Variants in TMEM131L observed in about 807,000 individuals in gnomAD.
The protein encoded by TMEM131L is transmembrane 131 like.
Under a neutral mutation model 192.2 loss-of-function variants are expected in TMEM131L, and 54 were observed. That is an observed-to-expected ratio of 0.28 (90% CI 0.23 to 0.35). The LOEUF (loss-of-function observed/expected upper bound fraction) is 0.35, where lower values mean the gene tolerates loss of function less well. Among genes scored for constraint, TMEM131L ranks in the 10% least tolerant of loss-of-function variants. TMEM131L has a pLI of 1.00. For missense variants in TMEM131L, 1,888 were observed against 1,972.9 expected (o/e 0.96, Z 0.82); for synonymous variants, 701 against 704.9 (o/e 0.99, Z 0.09).
At chr4:153,596,473 C>A in intron 20 of TMEM131L, 88 bp downstream of exon 20, 1 of 1,483,840 alleles carries the variant, frequency 6.7e-7, no homozygotes, top group Non-Finnish European at 9.3e-7. Flanking sequence ...GTTCACTTCT[C>A]AGTCAGACCT....
At chr4:153,585,059 G>A in intron 12 of TMEM131L, 128 bp downstream of exon 12, 1 of 717,122 alleles carries the variant, frequency 1.4e-6, no homozygotes. Flanking sequence ...GCCTCCCCTT[G>A]CCTTAGCATT....
At chr4:153,527,631 T>C (rs1447820160) in intron 3 of TMEM131L, among the ~76,000 whole-genome samples, 3 of 152,234 alleles carry the variant, frequency 2.0e-5, no homozygotes, top group Non-Finnish European at 2.9e-5. Context: ...GGCAAGTGTA[T>C]GTGACCCCAC....
intron 29 of TMEM131L, among the ~76,000 whole-genome samples, chr4:153,624,641 A>T (rs1032568428): frequency 2.0e-5 from 3 of 152,206 alleles, no homozygotes; most frequent in Non-Finnish European, 4.4e-5. Context: ...TCTCACTGTC[A>T]TCTGAAGACT....
intron 2 of TMEM131L, among the ~76,000 whole-genome samples, chr4:153,469,293 C>T (rs1730984765): frequency 9.0e-6 from 1 of 111,226 alleles, no homozygotes; most frequent in South Asian, 2.9e-4. Flanking sequence ...CCTGCTTATA[C>T]CTGGGCCCAA....
chr4:153,626,824 G>A, intron 30 of TMEM131L, among the ~76,000 whole-genome samples: 1 of 152,204 alleles, frequency 6.6e-6, no homozygotes, highest in South Asian at 2.1e-4. Flanking sequence ...TATAAAGATG[G>A]GAATCATTTA....
At chr4:153,512,802 T>A (rs958063866) in intron 3 of TMEM131L, among the ~76,000 whole-genome samples, 15 of 152,174 alleles carry the variant, frequency 9.9e-5, no homozygotes, top group African/African-American at 3.6e-4. Flanking sequence ...TTAGTAGAGA[T>A]GGGGTTTCAC....
intron 3 of TMEM131L, among the ~76,000 whole-genome samples, chr4:153,502,483 G>A (rs1301676395): frequency 6.6e-6 from 1 of 152,082 alleles, no homozygotes; most frequent in South Asian, 2.1e-4. Context: ...TGACTCTTTG[G>A]GAGTTAACAC....
chr4:153,616,070 A>G (rs914692367), intron 26 of TMEM131L, among the ~76,000 whole-genome samples: 1 of 152,146 alleles, frequency 6.6e-6, no homozygotes, highest in Non-Finnish European at 1.5e-5. Flanking sequence ...CAGTGGTTAT[A>G]TAAGACCCTC....
Position 153,469,314 on chromosome 4 carries a change from G to GACACACACACACACACACAC in TMEM131L, c.195+2040_195+2059dup, listed in dbSNP as rs201245535. The stretch of plus-strand genomic sequence containing the variant: ...TATACCTGGGCCCAAGGGTAAGGGA[G>GACACACACACACACACACAC]ACACACACACACACACACACACACA... On this transcript the variant is annotated intron_variant, in intron 2 of 34. Coordinates refer to ENST00000409959, the MANE Select transcript of TMEM131L (RefSeq NM_001131007.2). 4.9e-3 allele frequency among the ~76,000 whole-genome samples: 724 copies of GACACACACACACACACACAC among 148,908 alleles called. 9 individuals carry two copies. Among genetic ancestry groups the GACACACACACACACACACAC allele is most frequent in the African/African-American group, 0.017 (668 of 40,122 alleles).
At chr4:153,548,368 G>T (rs1209243939) in intron 3 of TMEM131L, among the ~76,000 whole-genome samples, 3 of 152,128 alleles carry the variant, frequency 2.0e-5, no homozygotes, top group Admixed American at 1.3e-4. Flanking sequence ...GCAGTGGCAC[G>T]ATCTTGGCTC....
chr4:153,485,122 A>T (rs892821064), intron 3 of TMEM131L, among the ~76,000 whole-genome samples: 14 of 96,530 alleles, frequency 1.5e-4, no homozygotes, highest in East Asian at 4.0e-4. Flanking sequence ...CTGTCTCATT[A>T]AAAAAAAAAA....
chr4:153,635,185 A>T (rs762173164), intron 33 of TMEM131L, among the ~76,000 whole-genome samples: 1 of 152,168 alleles, frequency 6.6e-6, no homozygotes, highest in Non-Finnish European at 1.5e-5. Flanking sequence ...CCATCAAGTG[A>T]TCAAATAGAG....
chr4:153,630,889 T>G (rs1274389846), intron 31 of TMEM131L, among the ~76,000 whole-genome samples: 1 of 152,206 alleles, frequency 6.6e-6, no homozygotes, highest in Non-Finnish European at 1.5e-5. Flanking sequence ...GACCTCTATC[T>G]TGACTGGCTG....
chr4:153,470,406 T>A (rs573890664), intron 2 of TMEM131L, among the ~76,000 whole-genome samples: 2 of 152,222 alleles, frequency 1.3e-5, no homozygotes, highest in East Asian at 3.8e-4. Context: ...CTCAGCACTA[T>A]TGTGTGCTCT....
At chr4:153,605,378 T>G (rs1193371151) in intron 25 of TMEM131L, among the ~76,000 whole-genome samples, 1 of 152,242 alleles carries the variant, frequency 6.6e-6, no homozygotes, top group Non-Finnish European at 1.5e-5. Flanking sequence ...ATTTGTTTTA[T>G]TTTGTTTGAA....
intron 3 of TMEM131L, among the ~76,000 whole-genome samples, chr4:153,525,220 T>C (rs1478533412): frequency 1.3e-5 from 2 of 152,218 alleles, no homozygotes; most frequent in African/African-American, 4.8e-5. Context: ...AGTTTTAGGA[T>C]TTTTTAAAAG....
intron 4 of TMEM131L, among the ~76,000 whole-genome samples, chr4:153,552,989 T>C (rs1737745657): frequency 6.6e-6 from 1 of 151,890 alleles, no homozygotes; most frequent in South Asian, 2.1e-4. Context: ...GTTGGTTGAA[T>C]CTGCAGATAT....
Position 153,602,396 on chromosome 4 carries a change from G to C in TMEM131L, c.2453+58G>C, listed in dbSNP as rs886478785. Reference sequence around the variant, plus strand: ...TGTGGTGCGTTTAACAATGTGAGGAGGAAAACTTTTTCTATTGTTAAGACA... The same window carrying C: ...TGTGGTGCGTTTAACAATGTGAGGACGAAAACTTTTTCTATTGTTAAGACA... On this transcript the variant is annotated intron_variant, in intron 22 of 34. Coordinates refer to ENST00000409959, the MANE Select transcript of TMEM131L (RefSeq NM_001131007.2). 8.1e-5 allele frequency: 127 copies of C among 1,569,850 alleles called. No homozygotes were observed. In the East Asian group the frequency reaches 1.9e-3, roughly 23 times the overall value.
rs192191988 is a variant in TMEM131L, at chr4:153,568,362, G to A, written c.660+9994G>A. 5.3e-5 allele frequency among the ~76,000 whole-genome samples: 8 copies of A among 152,184 alleles called. No homozygotes were observed. The East Asian group carries it at 9.7e-4, about 18-fold the overall frequency. ...CTCCTTGTTTGTGCTTTAAAATCTC[G>A]GCTTTCTTGGCTACTGTGAGGACAC... On this transcript the variant is annotated intron_variant, in intron 7 of 34. Transcript: ENST00000409959.
Sources: gnomAD v4.1 joint callset for allele counts (sites outside exome capture counted in the v4.1 genomes callset) on GRCh38, gnomAD v4.1.1 for gene constraint, MANE v1.5 for transcripts, NCBI Gene and HGNC (gene_info 2026-07-23, HGNC 2026-07-21) for gene names.